Variants in COP1 observed in about 807,000 individuals in gnomAD.
The protein encoded by COP1 is E3 ubiquitin-protein ligase COP1.
In COP1, 24 loss-of-function variants were observed where a neutral mutation model predicts 101.3. The observed-to-expected ratio is 0.24, with a 90% confidence interval of 0.17 to 0.33. The LOEUF (loss-of-function observed/expected upper bound fraction) is 0.33. Ranked by LOEUF, COP1 falls within the 10% of genes least tolerant of loss-of-function variation. The pLI is 1.00. For missense variants in COP1, 663 were observed against 906.2 expected (o/e 0.73, Z 3.45); for synonymous variants, 347 against 341.9 (o/e 1.01, Z -0.17).
chr1:176,011,996 CCTT>C (rs1392774434), intron 15 of COP1, among the ~76,000 whole-genome samples: 2 of 151,966 alleles, frequency 1.3e-5, no homozygotes, highest in Non-Finnish European at 2.9e-5. Context: ...AGAGTGTACT[CCTT>C]CTATTAATTA....
At position 176,176,549 on chromosome 1, in the gene COP1, C is replaced by T. The variant is rs528140840; in HGVS notation, c.468-542G>A. On this transcript the variant is annotated intron_variant, in intron 2 of 19. Transcript: ENST00000367669. Reference sequence around the variant, plus strand: ...ATAAAATACTGCCAGTAAGGCACAACGGCTCATGCCTGTAATCCCAACACT... The same window carrying T: ...ATAAAATACTGCCAGTAAGGCACAATGGCTCATGCCTGTAATCCCAACACT... 2.2e-4 allele frequency among the ~76,000 whole-genome samples: 34 copies of T among 152,174 alleles called. 1 individual carries two copies. Among genetic ancestry groups the T allele is most frequent in the Admixed American group, 1.1e-3 (17 of 15,274 alleles).
chr1:176,067,246 G>A (rs895478425), intron 11 of COP1, among the ~76,000 whole-genome samples: 2 of 152,112 alleles, frequency 1.3e-5, no homozygotes, highest in African/African-American at 4.8e-5. Context: ...GAAGTGCTGG[G>A]AGGAGAAGGT....
rs1181915874 is a variant in COP1 at position 176,206,866 on chromosome 1, G to A, written c.113C>T (p.Pro38Leu). Residue 38 changes from proline to leucine, a missense_variant, in exon 1 of 20, where the codon CCT (proline) becomes CTT (leucine). Transcript: ENST00000367669. Reference sequence around the variant, plus strand: ...CGCTGCCGCCGAAACCGCCACGGAAGGCGGCGACGGGGAAGAGGATAAAGA... The same window carrying A: ...CGCTGCCGCCGAAACCGCCACGGAAAGCGGCGACGGGGAAGAGGATAAAGA... ...SSSLSSSPSP[P>L]SVAVSAAALV... 5 of 1,440,072 alleles carry A rather than the reference G, an allele frequency of 3.5e-6. No homozygotes were observed. The South Asian group carries it at 5.4e-5, about 16-fold the overall frequency. The allele number at this position is 1,440,072 out of a possible 1,614,324, so 89.2% of individuals were successfully genotyped here.
chr1:175,994,002 G>A (rs1382251290), intron 15 of COP1, among the ~76,000 whole-genome samples: 5 of 152,124 alleles, frequency 3.3e-5, no homozygotes, highest in Admixed American at 6.5e-5. Context: ...GAGAAAGGTC[G>A]GGTTAACCAC....
chr1:176,148,832 G>A (rs1254353329), intron 6 of COP1, among the ~76,000 whole-genome samples, 174 bp downstream of exon 6: 1 of 151,954 alleles, frequency 6.6e-6, no homozygotes, highest in Non-Finnish European at 1.5e-5. Context: ...TTTTTTAAGT[G>A]TCAAGTTGTA....
intron 12 of COP1, 88 bp from the exon 13 acceptor site, chr1:176,043,906 A>G: frequency 5.0e-6 from 4 of 800,338 alleles, no homozygotes; most frequent in Non-Finnish European, 8.6e-6. Context: ...AAAGATTTGC[A>G]CTATTTTAAA....
chr1:176,020,626 A>G lies in COP1; in HGVS notation c.1729+6946T>C, dbSNP rs373547704. On this transcript the variant is annotated intron_variant, in intron 15 of 19. Coordinates refer to ENST00000367669, the MANE Select transcript of COP1 (RefSeq NM_022457.7). ...TGTGCGGTGGAGGCTGCAGTGATCC[A>G]AGACTGTGCCACTGCACTCCAGCCT... 2.6e-3 allele frequency among the ~76,000 whole-genome samples: 399 copies of G among 152,286 alleles called. 3 individuals are homozygous for G. Among genetic ancestry groups the G allele is most frequent in the African/African-American group, 9.2e-3 (381 of 41,560 alleles).
chr1:176,004,475 A>G (rs1304331987), intron 15 of COP1, among the ~76,000 whole-genome samples: 10 of 133,716 alleles, frequency 7.5e-5, no homozygotes, highest in Non-Finnish European at 1.5e-4. Context: ...TCAGTATGAT[A>G]ATGGCTGTGG....
chr1:176,046,271 T>C lies in COP1; in HGVS notation c.1331A>G (p.Lys444Arg), dbSNP rs768063118. 6 of 1,611,260 alleles carry C rather than the reference T, an allele frequency of 3.7e-6. No individual in the cohort carries two copies. Among genetic ancestry groups the C allele is most frequent in the African/African-American group, 1.3e-5 (1 of 74,810 alleles). ...AGTGTCATATTCATAGACTTTAATC[T>C]TCTTTGTAACTCCAGCAATCGCAAA... is the stretch of plus-strand genomic sequence containing the variant. ...DYFAIAGVTK[K>R]IKVYEYDTVI... The change falls in exon 12 of 20, where the codon AAG becomes AGG. Residue 444 changes from lysine to arginine, a missense_variant. Transcript: ENST00000367669.
rs140082993 is a variant in COP1 at position 176,144,657 on chromosome 1, T to C, written c.831+4349A>G. On this transcript the variant is annotated intron_variant, in intron 6 of 19. Transcript: ENST00000367669. Reference sequence around the variant, plus strand: ...AGCAACTTAATTCAAAGCTCTAGTATTTAATACAAGGTGGTATTGCGAAAA... The same window carrying C: ...AGCAACTTAATTCAAAGCTCTAGTACTTAATACAAGGTGGTATTGCGAAAA... Among the ~76,000 whole-genome samples the C allele has an allele frequency of 2.6e-3, 400 of 152,250 alleles. 3 individuals carry two copies. The highest frequency in any genetic ancestry group is 9.2e-3 in the African/African-American group (381 of 41,558).
intron 10 of COP1, among the ~76,000 whole-genome samples, chr1:176,085,347 C>G (rs1403719584): frequency 6.6e-6 from 1 of 152,024 alleles, no homozygotes; most frequent in Non-Finnish European, 1.5e-5. Flanking sequence ...TAATATCACA[C>G]AGAACTGTTT....
chr1:176,090,926 GA>G (rs1468761886), intron 9 of COP1, among the ~76,000 whole-genome samples: 1 of 152,110 alleles, frequency 6.6e-6, no homozygotes, highest in Non-Finnish European at 1.5e-5. Flanking sequence ...TAATTAAAAA[GA>G]AACCCACAGT....
chr1:176,027,443 A>C, intron 15 of COP1, 129 bp downstream of exon 15: 5 of 674,910 alleles, frequency 7.4e-6, no homozygotes, highest in Non-Finnish European at 1.3e-5. Context: ...GTATACTTCT[A>C]ATTTAGAGCC....
intron 15 of COP1, among the ~76,000 whole-genome samples, chr1:175,996,185 C>A (rs890891265): frequency 3.3e-5 from 5 of 152,120 alleles, no homozygotes; most frequent in Admixed American, 3.3e-4. Flanking sequence ...AGGCCTTTGA[C>A]AAAATTCAAC....
intron 14 of COP1, among the ~76,000 whole-genome samples, chr1:176,036,704 G>A (rs899951995): frequency 6.6e-6 from 1 of 152,076 alleles, no homozygotes; most frequent in African/African-American, 2.4e-5. Context: ...TATGTGGTAT[G>A]ATATTCTTAC....
chr1:176,005,094 T>A lies in COP1; in HGVS notation c.1730-15615A>T, dbSNP rs192105401. Among the ~76,000 whole-genome samples, 1,015 of 152,318 alleles carry A rather than the reference T, an allele frequency of 6.7e-3. 11 individuals are homozygous for A. Among genetic ancestry groups the A allele is most frequent in the African/African-American group, 0.023 (963 of 41,532 alleles). ...GTTTAGTCTTGGGAGGGTGTATGTG[T>A]CGAGGAATTTATCCTTTATTTCTAG... On this transcript the variant is annotated intron_variant, in intron 15 of 19. Coordinates refer to ENST00000367669, the MANE Select transcript of COP1 (RefSeq NM_022457.7).
At chr1:175,968,415 G>A (rs764560958) in intron 18 of COP1, 9 of 517,288 alleles carry the variant, frequency 1.7e-5, no homozygotes, top group African/African-American at 7.7e-5. Flanking sequence ...GGAGGGGAAC[G>A]ATCAGACTTA....
At chr1:176,073,348 T>C (rs1337971504) in intron 11 of COP1, among the ~76,000 whole-genome samples, 1 of 152,150 alleles carries the variant, frequency 6.6e-6, no homozygotes, top group Non-Finnish European at 1.5e-5. Context: ...TTCCAACAGT[T>C]TGAACAAACA....
At chr1:176,051,898 T>C (rs1424607326) in intron 11 of COP1, among the ~76,000 whole-genome samples, 1 of 152,070 alleles carries the variant, frequency 6.6e-6, no homozygotes, top group Non-Finnish European at 1.5e-5. Context: ...CCAAGGGTTA[T>C]TGCAAAAAAA....
Sources: gnomAD v4.1 joint callset for allele counts (sites outside exome capture counted in the v4.1 genomes callset) on GRCh38, gnomAD v4.1.1 for gene constraint, MANE v1.5 for transcripts, NCBI Gene and HGNC (gene_info 2026-07-23, HGNC 2026-07-21) for gene names.